Variants in ZMAT4 observed in about 807,000 individuals in gnomAD.
ZMAT4 encodes zinc finger matrin-type protein 4.
ZMAT4 carries 17 observed loss-of-function variants against 28.7 expected under a neutral mutation model. The ratio of observed to expected loss-of-function variants is 0.59; its 90% confidence interval spans 0.41 to 0.89. The LOEUF (loss-of-function observed/expected upper bound fraction) is 0.89. ZMAT4 is among the 40% of genes least tolerant of loss of function. ZMAT4 has a pLI of 0.00. For missense variants in ZMAT4, 240 were observed against 283.8 expected, an observed-to-expected ratio of 0.85 and a Z score of 1.11; for synonymous variants, 117 against 109.2, an observed-to-expected ratio of 1.07 and a Z score of -0.44.
At chr8:40,588,368 C>T (rs1804739132) in intron 5 of ZMAT4, among the ~76,000 whole-genome samples, 1 of 151,904 alleles carries the variant, frequency 6.6e-6, no homozygotes, top group African/African-American at 2.4e-5. Flanking sequence ...ATATTTGTAA[C>T]ACATGTATCT....
chr8:40,572,900 T>C (rs1264565303), intron 6 of ZMAT4, among the ~76,000 whole-genome samples: 1 of 152,174 alleles, frequency 6.6e-6, no homozygotes, highest in Non-Finnish European at 1.5e-5. Context: ...TTAGTTATCA[T>C]AATAGTAGTA....
chr8:40,745,474 A>G (rs1163300384), intron 3 of ZMAT4, among the ~76,000 whole-genome samples: 2 of 152,176 alleles, frequency 1.3e-5, no homozygotes, highest in Non-Finnish European at 2.9e-5. Context: ...TTGTTGTTTC[A>G]GGTGTAGTTC....
At chr8:40,655,253 A>C (rs546085812) in intron 5 of ZMAT4, among the ~76,000 whole-genome samples, 3 of 152,154 alleles carry the variant, frequency 2.0e-5, no homozygotes, top group Non-Finnish European at 4.4e-5. Context: ...TAAGTTTAAC[A>C]AAACACATGC....
At chr8:40,724,171 G>A (rs1811226236) in intron 3 of ZMAT4, among the ~76,000 whole-genome samples, 1 of 152,086 alleles carries the variant, frequency 6.6e-6, no homozygotes, top group African/African-American at 2.4e-5. Flanking sequence ...GTCCAGCAAA[G>A]CAGCCCTGGG....
intron 6 of ZMAT4, among the ~76,000 whole-genome samples, chr8:40,569,822 G>T (rs11781696): frequency 6.6e-6 from 1 of 152,118 alleles, no homozygotes; most frequent in Non-Finnish European, 1.5e-5. Context: ...TCAGCTTCTA[G>T]GCCACCGTGC....
chr8:40,813,790 C>T (rs907543815), intron 2 of ZMAT4, among the ~76,000 whole-genome samples: 1 of 152,214 alleles, frequency 6.6e-6, no homozygotes. Context: ...GACCAGAAGG[C>T]AGGGAAATTT....
intron 5 of ZMAT4, among the ~76,000 whole-genome samples, chr8:40,636,629 A>G (rs1031779631): frequency 6.6e-6 from 1 of 152,184 alleles, no homozygotes; most frequent in Non-Finnish European, 1.5e-5. Context: ...CAGGGTGACA[A>G]TCACCACTGA....
At chr8:40,744,668 T>A (rs1395945640) in intron 3 of ZMAT4, among the ~76,000 whole-genome samples, 1 of 152,072 alleles carries the variant, frequency 6.6e-6, no homozygotes, top group African/African-American at 2.4e-5. Context: ...GGTATTAGGT[T>A]CTTTTGGGTA....
intron 3 of ZMAT4, among the ~76,000 whole-genome samples, chr8:40,721,546 A>G (rs1811094387): frequency 7.4e-6 from 1 of 135,814 alleles, no homozygotes; most frequent in Admixed American, 7.7e-5. Context: ...TGCCTGAGGA[A>G]TCGCCACACT....
At chr8:40,694,023 T>C (rs1473108710) in intron 4 of ZMAT4, among the ~76,000 whole-genome samples, 1 of 152,230 alleles carries the variant, frequency 6.6e-6, no homozygotes, top group South Asian at 2.1e-4. Context: ...CAAAATTGTT[T>C]CTCTTACATC....
At chr8:40,890,648 T>A (rs1462457696) in intron 1 of ZMAT4, among the ~76,000 whole-genome samples, 3 of 152,144 alleles carry the variant, frequency 2.0e-5, no homozygotes, top group Non-Finnish European at 4.4e-5. Context: ...TAGATGCAAA[T>A]GTGAGCATGT....
chr8:40,581,218 T>G lies in ZMAT4; in HGVS notation c.621A>C (p.Leu207=), dbSNP rs750994878. The change falls in exon 6 of 7, where the codon CTA becomes CTC. Residue 207 remains leucine (L), a synonymous_variant. Coordinates refer to ENST00000297737, the MANE Select transcript of ZMAT4 (RefSeq NM_024645.3). ...GGGCATGATACTGTTCTATTGAGTT[T>G]AGGGAGACACTGCAGATGGTACATC... ...NYRCTICSVS[L]NSIEQYHAHL... 2 of 1,613,438 alleles carry G rather than the reference T, an allele frequency of 1.2e-6. No homozygotes were observed. Among genetic ancestry groups the G allele is most frequent in the Non-Finnish European group, 1.7e-6 (2 of 1,179,614 alleles).
chr8:40,712,991 A>G (rs1284539485), intron 3 of ZMAT4, among the ~76,000 whole-genome samples: 1 of 151,846 alleles, frequency 6.6e-6, no homozygotes, highest in Non-Finnish European at 1.5e-5. Flanking sequence ...CAAGAAAAAT[A>G]CGGATACTAA....
At chr8:40,630,351 C>T (rs568061348) in intron 5 of ZMAT4, among the ~76,000 whole-genome samples, 3 of 152,276 alleles carry the variant, frequency 2.0e-5, no homozygotes, top group Admixed American at 6.5e-5. Context: ...AGAATTGGTG[C>T]GTTTAGTGGA....
chr8:40,778,817 G>C (rs1049951623), intron 2 of ZMAT4, among the ~76,000 whole-genome samples: 3 of 152,120 alleles, frequency 2.0e-5, no homozygotes, highest in African/African-American at 7.2e-5. Context: ...TCAATTGATG[G>C]CATGATGAAA....
At chr8:40,594,896 C>T (rs774565189) in intron 5 of ZMAT4, among the ~76,000 whole-genome samples, 1 of 152,072 alleles carries the variant, frequency 6.6e-6, no homozygotes, top group Non-Finnish European at 1.5e-5. Context: ...AAAATTATCT[C>T]GAGTCTTCGT....
chr8:40,703,402 A>G (rs139053160), intron 3 of ZMAT4, among the ~76,000 whole-genome samples: 222 of 152,362 alleles, frequency 1.5e-3, no homozygotes, highest in African/African-American at 5.1e-3. Context: ...CCAAAAGATT[A>G]AAGAACTGAT....
intron 2 of ZMAT4, chr8:40,786,651 T>C: frequency 7.9e-7 from 1 of 1,265,010 alleles, no homozygotes; most frequent in Non-Finnish European, 1.0e-6. Flanking sequence ...ATCCATTCAT[T>C]AACCATCCTC....
intron 2 of ZMAT4, among the ~76,000 whole-genome samples, chr8:40,776,612 A>G (rs10109107): frequency 0.82 from 124,652 of 152,100 alleles, 52,582 homozygotes; most frequent in Non-Finnish European, 0.94. Context: ...TCTCTTTTGC[A>G]GTTTGGGGAA....
Sources: allele counts gnomAD v4.1 joint callset (sites outside exome capture counted in the v4.1 genomes callset), GRCh38; gene constraint gnomAD v4.1.1; transcripts MANE v1.5; gene names NCBI Gene and HGNC (gene_info 2026-07-23, HGNC 2026-07-21).